FHIT: variants seen among roughly 807,000 people sequenced by gnomAD.
The protein encoded by FHIT is bis(5'-adenosyl)-triphosphatase.
In FHIT, 19 loss-of-function variants were observed where a neutral mutation model predicts 17.9. The ratio of observed to expected loss-of-function variants is 1.06; its 90% CI spans 0.74 to 1.56. The LOEUF is 1.56. Ranked by LOEUF, FHIT falls within the 40% of genes most tolerant of loss-of-function variation. The probability of loss-of-function intolerance (pLI) is 0.00; values close to 1 mark genes in which losing one functional copy is unlikely to be tolerated. For missense variants in FHIT, 248 were observed against 189.2 expected (o/e 1.31, Z -1.82); for synonymous variants, 81 against 69.7 (o/e 1.16, Z -0.81).
intron 5 of FHIT, among the ~76,000 whole-genome samples, chr3:60,016,840 C>A (rs1364927388): frequency 6.6e-6 from 1 of 152,068 alleles, no homozygotes; most frequent in African/African-American, 2.4e-5. Context: ...AGTTGTTAAG[C>A]GTTCCTCCTT....
chr3:60,546,634 GCTT>G (rs2036375332), intron 4 of FHIT, among the ~76,000 whole-genome samples: 1 of 152,124 alleles, frequency 6.6e-6, no homozygotes. Flanking sequence ...AGCACCACCT[GCTT>G]CTTTTGAATC....
At chr3:59,852,074 A>C (rs1701963030) in intron 8 of FHIT, among the ~76,000 whole-genome samples, 1 of 152,172 alleles carries the variant, frequency 6.6e-6, no homozygotes, top group Non-Finnish European at 1.5e-5. Flanking sequence ...AGTAGTTCTG[A>C]AAATCACATA....
At chr3:60,545,564 G>T (rs241675) in intron 4 of FHIT, among the ~76,000 whole-genome samples, 1 of 151,890 alleles carries the variant, frequency 6.6e-6, no homozygotes. Flanking sequence ...TTATCACTCC[G>T]CTCTAAAACT....
chr3:61,235,877 C>T (rs943013310), intron 1 of FHIT, among the ~76,000 whole-genome samples: 5 of 152,084 alleles, frequency 3.3e-5, no homozygotes, highest in Non-Finnish European at 5.9e-5. Context: ...CCCCATTCAC[C>T]TTGTCCTGTC....
intron 8 of FHIT, among the ~76,000 whole-genome samples, chr3:59,906,205 A>C (rs1415286598): frequency 1.3e-5 from 2 of 152,214 alleles, no homozygotes; most frequent in Non-Finnish European, 2.9e-5. Flanking sequence ...TTGAATGGAC[A>C]CCATAGCCCC....
intron 5 of FHIT, among the ~76,000 whole-genome samples, chr3:60,343,965 G>A (rs1399530062): frequency 6.6e-6 from 1 of 152,130 alleles, no homozygotes; most frequent in Non-Finnish European, 1.5e-5. Context: ...TAATGCAACA[G>A]CTCCAATTTT....
intron 7 of FHIT, among the ~76,000 whole-genome samples, chr3:59,963,317 G>C (rs187360005): frequency 4.7e-4 from 71 of 152,076 alleles, no homozygotes; most frequent in African/African-American, 1.7e-3. Context: ...TGTATTGTTA[G>C]TCTTAAATAT....
At chr3:60,199,113 G>T (rs1300958455) in intron 5 of FHIT, among the ~76,000 whole-genome samples, 1 of 152,136 alleles carries the variant, frequency 6.6e-6, no homozygotes, top group East Asian at 1.9e-4. Flanking sequence ...CAAATACAGT[G>T]GATTTAGTAG....
At chr3:61,185,129 G>A (rs868721179) in intron 2 of FHIT, among the ~76,000 whole-genome samples, 1 of 152,164 alleles carries the variant, frequency 6.6e-6, no homozygotes, top group Non-Finnish European at 1.5e-5. Flanking sequence ...TAAGTTCTGT[G>A]TAGCATATGT....
chr3:59,754,550 G>C (rs1427939059), intron 8 of FHIT, among the ~76,000 whole-genome samples: 1 of 152,132 alleles, frequency 6.6e-6, no homozygotes, highest in Non-Finnish European at 1.5e-5. Flanking sequence ...GCAAAGCCCA[G>C]GAAATATGGC....
chr3:60,339,713 G>A (rs536053624), intron 5 of FHIT, among the ~76,000 whole-genome samples: 1 of 152,162 alleles, frequency 6.6e-6, no homozygotes, highest in African/African-American at 2.4e-5. Flanking sequence ...ACTAGTGACT[G>A]AAATTAACTA....
chr3:59,803,932 G>A (rs950958627), intron 8 of FHIT, among the ~76,000 whole-genome samples: 1 of 152,150 alleles, frequency 6.6e-6, no homozygotes, highest in Non-Finnish European at 1.5e-5. Context: ...AAGTAATAGC[G>A]ATTTTCGCCA....
intron 8 of FHIT, among the ~76,000 whole-genome samples, chr3:59,896,552 T>C (rs17061408): frequency 0.015 from 2,266 of 152,318 alleles, 65 homozygotes; most frequent in African/African-American, 0.051. Context: ...CCTCGTTCTC[T>C]TTATGAGTAC....
At chr3:60,682,883 A>G (rs1322833290) in intron 4 of FHIT, among the ~76,000 whole-genome samples, 1 of 152,222 alleles carries the variant, frequency 6.6e-6, no homozygotes, top group African/African-American at 2.4e-5. Context: ...GAGAACATTC[A>G]TGATTTATGG....
intron 4 of FHIT, among the ~76,000 whole-genome samples, chr3:60,726,064 C>T (rs1485164256): frequency 6.6e-6 from 1 of 152,092 alleles, no homozygotes; most frequent in East Asian, 1.9e-4. Context: ...TAGCTAAGCA[C>T]GTATGCGAAA....
At chr3:60,445,475 G>A (rs1331326358) in intron 5 of FHIT, among the ~76,000 whole-genome samples, 1 of 140,828 alleles carries the variant, frequency 7.1e-6, no homozygotes, top group Non-Finnish European at 1.5e-5. Flanking sequence ...AAAAGAAGAA[G>A]AAGAAGAAAA....
rs185347276 is a variant in FHIT, at chr3:60,319,813, C to T, written c.103+217047G>A. On this transcript the variant is annotated intron_variant, in intron 5 of 9. Coordinates refer to ENST00000492590, the MANE Select transcript of FHIT (RefSeq NM_002012.4). ...TCGTTTGGGGTTGCCGACTTTTGGT[C>T]TTTTCATGCCAGGATGGACTCCTGG... is the stretch of plus-strand genomic sequence containing the variant. 1.6e-3 allele frequency among the ~76,000 whole-genome samples: 250 copies of T among 152,264 alleles called. 4 individuals carry two copies. The highest frequency in any genetic ancestry group is 4.5e-3 in the Admixed American group (69 of 15,278).
chr3:59,999,415 C>A (rs1699642675), intron 7 of FHIT, among the ~76,000 whole-genome samples: 1 of 152,136 alleles, frequency 6.6e-6, no homozygotes, highest in Non-Finnish European at 1.5e-5. Flanking sequence ...GCCATTGATT[C>A]ACAGACTTTC....
At chr3:60,378,675 T>C (rs1396649500) in intron 5 of FHIT, among the ~76,000 whole-genome samples, 1 of 152,218 alleles carries the variant, frequency 6.6e-6, no homozygotes, top group Non-Finnish European at 1.5e-5. Context: ...TTTGCTACTA[T>C]GGTAATTTCA....
Sources: allele counts gnomAD v4.1 joint callset (sites outside exome capture counted in the v4.1 genomes callset), GRCh38; gene constraint gnomAD v4.1.1; transcripts MANE v1.5; gene names NCBI Gene and HGNC (gene_info 2026-07-23, HGNC 2026-07-21).